Variants in DSE observed in about 807,000 individuals in gnomAD.
The protein encoded by DSE is dermatan-sulfate epimerase.
DSE carries 36 observed loss-of-function variants against 84.4 expected under a neutral mutation model. That is an observed-to-expected ratio of 0.43 (90% confidence interval 0.33 to 0.56). DSE has a LOEUF of 0.56. DSE is among the 20% of genes least tolerant of loss of function. The pLI, the probability that DSE is intolerant of heterozygous loss-of-function variation, is 0.06. For synonymous variants in DSE, 410 were observed against 430.1 expected (o/e 0.95, Z 0.58); for missense variants, 862 against 1,169.6 (o/e 0.74, Z 3.84).
intron 2 of DSE, among the ~76,000 whole-genome samples, chr6:116,260,898 G>C (rs866458059): frequency 6.6e-6 from 1 of 152,152 alleles, no homozygotes; most frequent in Non-Finnish European, 1.5e-5. Context: ...CTGTATTATT[G>C]TTTGAAGTTG....
intron 2 of DSE, among the ~76,000 whole-genome samples, chr6:116,326,302 A>T (rs1463716233): frequency 6.6e-6 from 1 of 152,048 alleles, no homozygotes; most frequent in Non-Finnish European, 1.5e-5. Flanking sequence ...TCTAGAGACG[A>T]AAGGAAAATC....
At chr6:116,419,685 T>C (rs1294457132) in intron 2 of DSE, among the ~76,000 whole-genome samples, 1 of 152,228 alleles carries the variant, frequency 6.6e-6, no homozygotes, top group Non-Finnish European at 1.5e-5. Context: ...TCTAAGGAGT[T>C]CACTGTTGTG....
chr6:116,299,551 T>TACACAC lies in DSE; in HGVS notation c.-54+40589_-54+40590insCACACA, dbSNP rs754431712. 2.9e-3 allele frequency among the ~76,000 whole-genome samples: 157 copies of TACACAC among 53,654 alleles called. 5 individuals are homozygous for TACACAC. The highest frequency in any genetic ancestry group is 3.3e-3 in the Non-Finnish European group (112 of 34,086). 35.2% of individuals were successfully genotyped at this position (53,654 alleles called of 152,430 possible). ...ATATATATATATATATATATATATATACACATACACACACACACACACATA... is the reference window on the plus strand; with the variant it reads ...ATATATATATATATATATATATATATACACACACACATACACACACACACACACATA... On this transcript the variant is annotated intron_variant, in intron 2 of 3. Transcript: ENST00000430252.
At chr6:116,360,154 A>G (rs1315459539) in intron 2 of DSE, among the ~76,000 whole-genome samples, 2 of 152,178 alleles carry the variant, frequency 1.3e-5, no homozygotes, top group African/African-American at 2.4e-5. Flanking sequence ...GCTGAATGAT[A>G]AGAACACAGG....
intron 2 of DSE, 116 bp downstream of exon 2, chr6:116,399,782 G>C: frequency 9.8e-7 from 1 of 1,024,696 alleles, no homozygotes; most frequent in Non-Finnish European, 1.4e-6. Flanking sequence ...TGTGTGGGGG[G>C]AGGTGTTATT....
rs1417596433 is a variant in DSE at position 116,443,671 on chromosome 6, G to A, written c.*6326G>A. The A allele has an allele frequency of 2.0e-5, 3 of 152,186 alleles. No individual in the cohort carries two copies. The highest frequency in any genetic ancestry group is 4.4e-5 in the Non-Finnish European group (3 of 68,018). The allele number at this position is 152,186 out of a possible 1,614,324, so 9.4% of individuals were successfully genotyped here. A position where few individuals can be genotyped will look rare whatever the true frequency, so the allele number is the denominator to read the frequency against. The stretch of plus-strand genomic sequence containing the variant: ...CATATCTCTAGAAATTTGTTATGGG[G>A]AAGTCTTTATCAAAGAATGTCCCTA... On this transcript the variant is annotated 3_prime_UTR_variant, in exon 6 of 6. Transcript: ENST00000644252.
At chr6:116,280,241 C>A (rs759134627) in intron 2 of DSE, 107 of 287,346 alleles carry the variant, frequency 3.7e-4, no homozygotes, top group Middle Eastern at 2.7e-3. Context: ...TTCTGGTCTT[C>A]ACTTTTTTGA....
rs1335881839 is a variant in DSE, at chr6:116,437,066, A to G, written c.2598A>G (p.Thr866=). Residue 866 remains threonine (T), a synonymous_variant, in exon 6 of 6, where the codon ACA becomes ACG. Transcript: ENST00000644252. ...MKDLLDFADV[T]YEKHKNGGLI... is the part of the protein sequence containing the mutation. ...ACCTTTTAGATTTTGCAGATGTAACATACGAGAAACATAAAAATGGGGGCT... is the reference window on the plus strand; with the variant it reads ...ACCTTTTAGATTTTGCAGATGTAACGTACGAGAAACATAAAAATGGGGGCT... The G allele has an allele frequency of 1.9e-6, 3 of 1,614,088 alleles. No individual in the cohort carries two copies. The highest frequency in any genetic ancestry group is 2.5e-6 in the Non-Finnish European group (3 of 1,180,010).
At chr6:116,420,406 G>T (rs1219200542) in intron 2 of DSE, among the ~76,000 whole-genome samples, 1 of 152,180 alleles carries the variant, frequency 6.6e-6, no homozygotes, top group Non-Finnish European at 1.5e-5. Context: ...ATAAGAAGCG[G>T]TGCCAGAGAG....
intron 2 of DSE, among the ~76,000 whole-genome samples, chr6:116,287,163 T>C (rs577137963): frequency 6.6e-6 from 1 of 152,154 alleles, no homozygotes; most frequent in South Asian, 2.1e-4. Context: ...AAAACTCTTC[T>C]AGACAGAAGA....
At chr6:116,260,982 A>G (rs372320572) in intron 2 of DSE, among the ~76,000 whole-genome samples, 4 of 152,180 alleles carry the variant, frequency 2.6e-5, no homozygotes, top group African/African-American at 7.2e-5. Context: ...TTTGGCTTCC[A>G]TTTGAGTTTT....
chr6:116,342,804 G>A (rs1030440058), intron 2 of DSE, among the ~76,000 whole-genome samples: 13 of 152,124 alleles, frequency 8.5e-5, no homozygotes, highest in African/African-American at 3.1e-4. Context: ...ATCTCACTGG[G>A]GCTTGTTGGA....
At chr6:116,310,422 G>C (rs547423155) in intron 2 of DSE, among the ~76,000 whole-genome samples, 11 of 151,278 alleles carry the variant, frequency 7.3e-5, no homozygotes, top group Middle Eastern at 3.4e-3. Flanking sequence ...AGCCATTCAC[G>C]ATAATCTCCA....
At chr6:116,419,410 T>C (rs139400783) in intron 2 of DSE, among the ~76,000 whole-genome samples, 13 of 152,360 alleles carry the variant, frequency 8.5e-5, no homozygotes, top group African/African-American at 2.4e-4. Flanking sequence ...TCTTAACTTA[T>C]TGGAGTTTGT....
At chr6:116,417,824 A>G (rs1782813144) in intron 2 of DSE, among the ~76,000 whole-genome samples, 1 of 152,204 alleles carries the variant, frequency 6.6e-6, no homozygotes, top group East Asian at 1.9e-4. Flanking sequence ...AGGAAAGCTC[A>G]TTGTCCATTT....
intron 4 of DSE, 48 bp from the exon 5 acceptor site, chr6:116,433,295 G>A: frequency 6.6e-7 from 1 of 1,523,490 alleles, no homozygotes; most frequent in Non-Finnish European, 8.9e-7. Context: ...CTATATAGGA[G>A]TGTGAAGTTT....
intron 2 of DSE, among the ~76,000 whole-genome samples, chr6:116,354,862 A>G (rs1007341162): frequency 5.3e-5 from 8 of 152,208 alleles, no homozygotes; most frequent in African/African-American, 1.7e-4. Context: ...GACAGGTTTT[A>G]TAATAAAATA....
intron 2 of DSE, among the ~76,000 whole-genome samples, chr6:116,267,150 T>TA (rs1772660701): frequency 6.6e-6 from 1 of 152,264 alleles, no homozygotes; most frequent in Non-Finnish European, 1.5e-5. Context: ...ACTATGTTAC[T>TA]GGCTTATGTA....
intron 2 of DSE, among the ~76,000 whole-genome samples, chr6:116,320,062 TA>T (rs1456156444): frequency 6.6e-6 from 1 of 152,170 alleles, no homozygotes; most frequent in African/African-American, 2.4e-5. Flanking sequence ...CACAGCACAA[TA>T]CCCAGCACAT....
Sources: gnomAD v4.1 joint callset for allele counts (sites outside exome capture counted in the v4.1 genomes callset) on GRCh38, gnomAD v4.1.1 for gene constraint, MANE v1.5 for transcripts, NCBI Gene and HGNC (gene_info 2026-07-23, HGNC 2026-07-21) for gene names.